The following EXOC3L4 variants were observed in gnomAD, a reference collection of about 807,000 sequenced individuals.
EXOC3L4 encodes the protein exocyst complex component 3 like 4.
In EXOC3L4, 62 loss-of-function variants were observed where a neutral mutation model predicts 69.7. The ratio of observed to expected loss-of-function variants is 0.89; its 90% CI spans 0.72 to 1.10. The LOEUF (loss-of-function observed/expected upper bound fraction) is 1.10, where lower values mean the gene tolerates loss of function less well. Ranked by LOEUF, EXOC3L4 falls within the 50% of genes least tolerant of loss-of-function variation. The pLI, the probability that EXOC3L4 is intolerant of heterozygous loss-of-function variation, is 0.00. For missense variants in EXOC3L4, 1,087 were observed against 1,034.8 expected, an observed-to-expected ratio of 1.05 and a Z score of -0.69; for synonymous variants, 502 against 464.2, an observed-to-expected ratio of 1.08 and a Z score of -1.05.
At chr14:103,108,906 A>G (rs1026992156) in intron 11 of EXOC3L4, among the ~76,000 whole-genome samples, 4 of 152,142 alleles carry the variant, frequency 2.6e-5, no homozygotes, top group African/African-American at 9.6e-5. Flanking sequence ...TGGAAATCCC[A>G]GCTCGAATCT....
Position 103,104,351 on chromosome 14 carries a change from G to A in EXOC3L4, c.1246G>A (p.Gly416Ser). 1.3e-6 allele frequency: 2 copies of A among 1,589,862 alleles called. No homozygotes were observed. Among genetic ancestry groups the A allele is most frequent in the Non-Finnish European group, 1.7e-6 (2 of 1,169,638 alleles). Residue 416 changes from glycine (G) to serine (S), a missense_variant, in exon 5 of 12, where the codon GGC becomes AGC. Physicochemically the swap from Gly to Ser is moderately conservative, Grantham distance 56. Transcript: ENST00000688303. ...AAAEVPEVLQ[G>S]LYQAPLSMDV... is the part of the protein sequence containing the mutation. ...CGCCGAGGTCCCCGAGGTGCTGCAG[G>A]GCCTCTACCAGGCGCCGCTGTCCAT...
intron 5 of EXOC3L4, 144 bp from the exon 6 acceptor site, chr14:103,104,594 C>T (rs1890426020): frequency 4.9e-6 from 6 of 1,235,600 alleles, no homozygotes; most frequent in Non-Finnish European, 6.4e-6. Context: ...GGAGTTGACT[C>T]TCCAGTTGGG....
Position 103,105,161 on chromosome 14 carries a change from C to T in EXOC3L4, c.1466+89C>T, listed in dbSNP as rs1007353088. ...ACCTGGATGGAGGGGAGTGCGCGCGCGTGGAGGGGGCAGAGGTGAGGAGTG... is the reference window on the plus strand; with the variant it reads ...ACCTGGATGGAGGGGAGTGCGCGCGTGTGGAGGGGGCAGAGGTGAGGAGTG... On this transcript the variant is annotated intron_variant, in intron 7 of 11. Coordinates refer to ENST00000688303, the MANE Select transcript of EXOC3L4 (RefSeq NM_001077594.2). 285 of 1,336,162 alleles carry T rather than the reference C, an allele frequency of 2.1e-4. 1 individual carries two copies. Among genetic ancestry groups the T allele is most frequent in the Non-Finnish European group, 2.8e-4 (268 of 967,742 alleles). The allele number at this position is 1,336,162 out of a possible 1,614,324, so 82.8% of individuals were successfully genotyped here.
chr14:103,102,530 G>T lies in EXOC3L4; in HGVS notation c.807G>T (p.Ala269=). The change falls in exon 3 of 12, where the codon GCG becomes GCT. Residue 269 remains alanine, a synonymous_variant. Coordinates refer to ENST00000688303, the MANE Select transcript of EXOC3L4 (RefSeq NM_001077594.2). ...GCGCGGGGTGGGCCTTCGGGGAGGC[G>T]GAGGGCGCGTCGGGTTTGGCCCAGC... ...RPGAGWAFGE[A]EGASGLAQLL... is the part of the protein sequence containing the mutation. The T allele has an allele frequency of 7.1e-7, 1 of 1,404,460 alleles. No homozygotes were observed. The allele number at this position is 1,404,460 out of a possible 1,614,324, so 87.0% of individuals were successfully genotyped here.
chr14:103,104,871 G>A (rs1210022159), intron 6 of EXOC3L4, 33 bp downstream of exon 6: 2 of 1,525,008 alleles, frequency 1.3e-6, no homozygotes. Flanking sequence ...GGAGCGACCT[G>A]GCCGGGTGCG....
Position 103,107,497 on chromosome 14 carries a change from T to A in EXOC3L4, c.1655T>A (p.Val552Glu). ...DWLHPLMDKV[V>E]TFAGHLQRVA... ...CTGCATCCCCTCATGGACAAGGTGG[T>A]GACCTTCGCCGGTCATCTCCAGCGT... is the stretch of plus-strand genomic sequence containing the variant. The change falls in exon 9 of 12, where the codon GTG becomes GAG. Residue 552 changes from valine to glutamate, a missense_variant. Coordinates refer to ENST00000688303, the MANE Select transcript of EXOC3L4 (RefSeq NM_001077594.2). 1 of 1,613,796 alleles carries A rather than the reference T, an allele frequency of 6.2e-7. No individual in the cohort carries two copies.
chr14:103,106,656 A>C, intron 7 of EXOC3L4, 129 bp from the exon 8 acceptor site: 1 of 594,320 alleles, frequency 1.7e-6, no homozygotes, highest in South Asian at 2.1e-5. Context: ...GCTCGCAGAC[A>C]GCTACAATGG....
chr14:103,095,122 C>T (rs1889833835), intron 1 of EXOC3L4, among the ~76,000 whole-genome samples: 1 of 152,228 alleles, frequency 6.6e-6, no homozygotes, highest in Admixed American at 6.5e-5. Context: ...TGGGGACACT[C>T]CAGGGCAGAG....
chr14:103,108,601 C>T (rs1451683302), intron 11 of EXOC3L4, 84 bp downstream of exon 11: 1 of 1,548,430 alleles, frequency 6.5e-7, no homozygotes, highest in East Asian at 2.3e-5. Flanking sequence ...CCAGCCCAGA[C>T]CTGACTGCCC....
chr14:103,104,767 C>T lies in EXOC3L4; in HGVS notation c.1314C>T (p.Gly438=). The T allele has an allele frequency of 6.6e-7, 1 of 1,521,924 alleles. No individual in the cohort carries two copies. Among genetic ancestry groups the T allele is most frequent in the Non-Finnish European group, 8.8e-7 (1 of 1,133,180 alleles). The allele number at this position is 1,521,924 out of a possible 1,614,324, so 94.3% of individuals were successfully genotyped here. A position where few individuals can be genotyped will look rare whatever the true frequency, so the allele number is the denominator to read the frequency against. Residue 438 remains glycine, a synonymous_variant, in exon 6 of 12, where the codon GGC becomes GGT. Transcript: ENST00000688303. ...TGGCCGAGCACGTGAAGGCGGCCGGCGCCATCTCCGCGGAGCTGGAGGCCA... is the reference window on the plus strand; with the variant it reads ...TGGCCGAGCACGTGAAGGCGGCCGGTGCCATCTCCGCGGAGCTGGAGGCCA... The part of the protein sequence containing the change: ...MLVAEHVKAA[G]AISAELEATT...
In EXOC3L4 at chr14:103,110,062, C is replaced by A; in HGVS notation, c.2008C>A (p.Arg670Ser). Residue 670 changes from arginine (R) to serine (S), a missense_variant, in exon 12 of 12, where the codon CGC becomes AGC. Coordinates refer to ENST00000688303, the MANE Select transcript of EXOC3L4 (RefSeq NM_001077594.2). ...RDHILAILAL[R>S]RLGRQRNQHL... The stretch of plus-strand genomic sequence containing the variant: ...CCACATACTGGCCATTCTGGCGCTG[C>A]GCCGACTGGGCCGCCAGCGGAACCA... The A allele has an allele frequency of 6.2e-7, 1 of 1,600,726 alleles. No homozygotes were observed. Among genetic ancestry groups the A allele is most frequent in the East Asian group, 2.3e-5 (1 of 44,426 alleles).
chr14:103,099,083 G>A (rs1345120029), intron 1 of EXOC3L4, among the ~76,000 whole-genome samples: 2 of 152,214 alleles, frequency 1.3e-5, no homozygotes, highest in African/African-American at 2.4e-5. Context: ...TGGGTCAGGC[G>A]GGTGCTTTGG....
At chr14:103,105,358 CTGTGTGTGTG>C (rs56105443) in intron 7 of EXOC3L4, among the ~76,000 whole-genome samples, 3 of 141,590 alleles carry the variant, frequency 2.1e-5, no homozygotes, top group African/African-American at 5.3e-5. Flanking sequence ...GAGCTGAGGG[CTGTGTGTGTG>C]TGTGTGTGTG....
In EXOC3L4 at chr14:103,100,426, C is replaced by CCTTTG. The variant is rs1890107250; in HGVS notation, c.207_208insCTTTG (p.Lys70LeufsTer2). The CCTTTG allele has an allele frequency of 5.6e-6, 9 of 1,613,024 alleles. No individual in the cohort carries two copies. The highest frequency in any genetic ancestry group is 7.6e-6 in the Non-Finnish European group (9 of 1,179,820). On this transcript the variant is annotated frameshift_variant, in exon 2 of 12. Transcript: ENST00000688303. LOFTEE classifies it high-confidence loss of function. ...GCCAGCGGGCTTTGACCCAGGTCTC[C>CCTTTG]AAGGAAGATACGGGCCTGTTCCGGC...
In EXOC3L4 at chr14:103,104,977, T is replaced by C. The variant is rs1890452367; in HGVS notation, c.1386-15T>C. On this transcript the variant is annotated splice_polypyrimidine_tract_variant and intron_variant, in intron 6 of 11. Coordinates refer to ENST00000688303, the MANE Select transcript of EXOC3L4 (RefSeq NM_001077594.2). ...CTAGGGAGGGTCCCCAAAGGCTCTG[T>C]GTATCCCGCCCCAGGTTTGAAAAGG... is the stretch of plus-strand genomic sequence containing the variant. 4 of 1,610,480 alleles carry C rather than the reference T, an allele frequency of 2.5e-6. No homozygotes were observed. The highest frequency in any genetic ancestry group is 2.5e-6 in the Non-Finnish European group (3 of 1,177,558).
intron 7 of EXOC3L4, 43 bp from the exon 8 acceptor site, chr14:103,106,742 G>T (rs1229063328): frequency 1.5e-6 from 2 of 1,297,766 alleles, no homozygotes; most frequent in Non-Finnish European, 1.1e-6. Context: ...CCCCAGCCTG[G>T]TCTCCCTTGC....
At position 103,094,836 on chromosome 14, in the gene EXOC3L4, A is replaced by G. The variant is rs577480759; in HGVS notation, c.-21A>G. 2 of 152,748 alleles carry G rather than the reference A, an allele frequency of 1.3e-5. No homozygotes were observed. The highest frequency in any genetic ancestry group is 4.1e-4 in the South Asian group (2 of 4,844). The allele number at this position is 152,748 out of a possible 1,614,324, so 9.5% of individuals were successfully genotyped here. A position where few individuals can be genotyped will look rare whatever the true frequency, so the allele number is the denominator to read the frequency against. On this transcript the variant is annotated 5_prime_UTR_variant, in exon 1 of 12. Transcript: ENST00000688303. The stretch of plus-strand genomic sequence containing the variant: ...CTTCCTGGGCCAAGGCTGCGTGCTC[A>G]GCAGGTATGTTCTGGGCAGGTGGAG...
chr14:103,108,211 G>A (rs10144519), intron 10 of EXOC3L4, among the ~76,000 whole-genome samples, 185 bp from the exon 11 acceptor site: 3,041 of 152,230 alleles, frequency 0.02, 101 homozygotes, highest in African/African-American at 0.07. Context: ...CAGCCCATGA[G>A]CCCTCGGTGC....
intron 7 of EXOC3L4, 84 bp downstream of exon 7, chr14:103,105,156 G>A (rs1399994485): frequency 4.3e-6 from 6 of 1,409,208 alleles, no homozygotes; most frequent in African/African-American, 1.4e-5. Flanking sequence ...AGGGGAGTGC[G>A]CGCGCGTGGA....
Sources: gnomAD v4.1 joint callset for allele counts (sites outside exome capture counted in the v4.1 genomes callset) on GRCh38, gnomAD v4.1.1 for gene constraint, MANE v1.5 for transcripts, NCBI Gene and HGNC (gene_info 2026-07-23, HGNC 2026-07-21) for gene names.